The following ATP10B variants were observed in gnomAD, a reference collection of about 807,000 sequenced individuals.
ATP10B encodes the protein phospholipid-transporting ATPase VB.
In ATP10B, 122 loss-of-function variants were observed where a neutral mutation model predicts 141.2. The observed-to-expected ratio is 0.86, with a 90% CI of 0.75 to 1.00. ATP10B has a LOEUF of 1.00. Among genes scored for constraint, ATP10B ranks in the 50% least tolerant of loss-of-function variants. The pLI, the probability that ATP10B is intolerant of heterozygous loss-of-function variation, is 0.00. For missense variants in ATP10B, 1,876 were observed against 1,825.3 expected (o/e 1.03, Z -0.51); for synonymous variants, 685 against 692.0 (o/e 0.99, Z 0.16).
intron 24 of ATP10B, among the ~76,000 whole-genome samples, chr5:160,581,037 AT>A (rs1308662447): frequency 6.6e-6 from 1 of 151,228 alleles, no homozygotes; most frequent in Non-Finnish European, 1.5e-5. Context: ...TGTCTATTTG[AT>A]TTTTCTCTCA....
chr5:160,732,861 G>A (rs2033604840), intron 2 of ATP10B, among the ~76,000 whole-genome samples: 1 of 152,074 alleles, frequency 6.6e-6, no homozygotes, highest in African/African-American at 2.4e-5. Flanking sequence ...TCTGTTTTCA[G>A]AGACAGGGTC....
At chr5:160,725,232 G>A (rs1348440240) in intron 2 of ATP10B, among the ~76,000 whole-genome samples, 1 of 152,152 alleles carries the variant, frequency 6.6e-6, no homozygotes, top group Admixed American at 6.5e-5. Flanking sequence ...TGAAGAGATG[G>A]CAGTCATAAA....
chr5:160,844,525 G>T (rs975121495), intron 1 of ATP10B, among the ~76,000 whole-genome samples: 3 of 151,764 alleles, frequency 2.0e-5, no homozygotes, highest in Non-Finnish European at 2.9e-5. Flanking sequence ...AAGTAGTAAG[G>T]TCCCAATAAC....
intron 5 of ATP10B, 84 bp downstream of exon 5, chr5:160,687,716 G>T: frequency 6.8e-7 from 1 of 1,466,164 alleles, no homozygotes; most frequent in Non-Finnish European, 9.3e-7. Flanking sequence ...AGTGAGCCGA[G>T]ATTGCACGAC....
intron 12 of ATP10B, 90 bp downstream of exon 12, chr5:160,634,264 C>A: frequency 2.5e-6 from 4 of 1,583,448 alleles, no homozygotes; most frequent in Non-Finnish European, 3.5e-6. Context: ...TCTAAGAGAG[C>A]CAGGAGAATG....
At chr5:160,725,737 G>A (rs1323348221) in intron 2 of ATP10B, among the ~76,000 whole-genome samples, 2 of 152,138 alleles carry the variant, frequency 1.3e-5, no homozygotes, top group African/African-American at 2.4e-5. Flanking sequence ...GAGCCACCAC[G>A]CCCGGCCTAC....
At chr5:160,693,526 G>A (rs1764200855) in intron 3 of ATP10B, among the ~76,000 whole-genome samples, 1 of 151,954 alleles carries the variant, frequency 6.6e-6, no homozygotes, top group Admixed American at 6.6e-5. Flanking sequence ...AAACGCAGGA[G>A]TTAGCTAGGT....
At chr5:160,874,791 A>T in the ATP10B span, among the ~76,000 whole-genome samples, 7 of 151,176 alleles carry the variant, frequency 4.6e-5, no homozygotes, top group Non-Finnish European at 1.0e-4. Flanking sequence ...TCAGCAATGG[A>T]AGATGAAATG....
chr5:160,579,426 C>A (rs1000450958), intron 24 of ATP10B, among the ~76,000 whole-genome samples: 1 of 152,168 alleles, frequency 6.6e-6, no homozygotes, highest in East Asian at 1.9e-4. Context: ...AATAGGGAAT[C>A]CTTTCCCCAT....
At position 160,686,088 on chromosome 5, in the gene ATP10B, A is replaced by C. The variant is rs761005999; in HGVS notation, c.461T>G (p.Ile154Ser). The change falls in exon 6 of 26, where the codon ATT (isoleucine) becomes AGT (serine). Residue 154 changes from isoleucine (I) to serine (S), a missense_variant. By Grantham distance (142) the Ile-to-Ser change is moderately radical. Coordinates refer to ENST00000327245, the MANE Select transcript of ATP10B (RefSeq NM_025153.3). The part of the protein sequence containing the change: ...DKAINCSNIR[I>S]YERKEQTYVQ... ...GGATGGTTTTTCTTACCTTTCATAA[A>C]TTCGAATGTTGGAGCAGTTTATTGC... is the stretch of plus-strand genomic sequence containing the variant. 7 of 1,564,108 alleles carry C rather than the reference A, an allele frequency of 4.5e-6. No homozygotes were observed. In the East Asian group the frequency reaches 1.6e-4, roughly 36 times the overall value.
At chr5:160,709,669 T>C (rs1172447318) in intron 3 of ATP10B, among the ~76,000 whole-genome samples, 5 of 142,846 alleles carry the variant, frequency 3.5e-5, no homozygotes, top group African/African-American at 1.3e-4. Context: ...GCAGGTTAGT[T>C]ACATATGTAT....
At chr5:160,676,403 C>A (rs186808048) in intron 6 of ATP10B, among the ~76,000 whole-genome samples, 1 of 152,304 alleles carries the variant, frequency 6.6e-6, no homozygotes, top group African/African-American at 2.4e-5. Context: ...CCAAATGCTG[C>A]CTTTCTCTTT....
the ATP10B span, among the ~76,000 whole-genome samples, chr5:160,878,793 C>T: frequency 6.6e-6 from 1 of 151,660 alleles, no homozygotes; most frequent in Non-Finnish European, 1.5e-5. Context: ...AAATGCTCAT[C>T]ATCACTGGCC....
intron 2 of ATP10B, among the ~76,000 whole-genome samples, chr5:160,758,761 C>A (rs926429997): frequency 6.6e-6 from 1 of 152,134 alleles, no homozygotes; most frequent in African/African-American, 2.4e-5. Flanking sequence ...TGTTTTGGAA[C>A]ATGGGAGTCA....
At chr5:160,622,293 AT>A (rs1758388458) in intron 14 of ATP10B, 100 bp downstream of exon 14, 6 of 1,271,224 alleles carry the variant, frequency 4.7e-6, no homozygotes. Flanking sequence ...TAGGACCCAA[AT>A]TTCATGTCTC....
intron 1 of ATP10B, among the ~76,000 whole-genome samples, chr5:160,794,886 CTT>C (rs1173827517): frequency 6.6e-6 from 1 of 152,142 alleles, no homozygotes; most frequent in African/African-American, 2.4e-5. Context: ...AAATAGCACT[CTT>C]TATTGTTATT....
intron 3 of ATP10B, among the ~76,000 whole-genome samples, chr5:160,689,694 G>GAACT (rs2127748972): frequency 6.6e-6 from 1 of 151,836 alleles, no homozygotes; most frequent in South Asian, 2.1e-4. Flanking sequence ...ACTTCAAAGA[G>GAACT]AACTACAAAC....
chr5:160,881,230 A>G, the ATP10B span, among the ~76,000 whole-genome samples: 1 of 152,126 alleles, frequency 6.6e-6, no homozygotes, highest in Non-Finnish European at 1.5e-5. Context: ...GCAAACTAAA[A>G]CAACAACAGG....
At chr5:160,601,040 T>C (rs554009148) in intron 21 of ATP10B, among the ~76,000 whole-genome samples, 1 of 152,288 alleles carries the variant, frequency 6.6e-6, no homozygotes, top group Admixed American at 6.5e-5. Flanking sequence ...TTCAAAAGAA[T>C]TATTCCTTGA....
Sources: allele counts gnomAD v4.1 joint callset (sites outside exome capture counted in the v4.1 genomes callset), GRCh38; gene constraint gnomAD v4.1.1; transcripts MANE v1.5; gene names NCBI Gene and HGNC (gene_info 2026-07-23, HGNC 2026-07-21).